GRM7: variants seen among roughly 807,000 people sequenced by gnomAD.
The protein encoded by GRM7 is metabotropic glutamate receptor 7.
GRM7 carries 35 observed loss-of-function variants against 84.5 expected under a neutral mutation model. The ratio of observed to expected loss-of-function variants is 0.41; its 90% CI spans 0.32 to 0.55. GRM7 has a LOEUF of 0.55. GRM7 is among the 20% of genes least tolerant of loss of function. GRM7 has a pLI of 0.19. For synonymous variants in GRM7, 487 were observed against 455.1 expected, an observed-to-expected ratio of 1.07 and a Z score of -0.89; for missense variants, 1,003 against 1,194.6, an observed-to-expected ratio of 0.84 and a Z score of 2.36.
intron 1 of GRM7, among the ~76,000 whole-genome samples, chr3:6,930,491 G>A (rs1479635163): frequency 6.6e-6 from 1 of 152,054 alleles, no homozygotes; most frequent in Non-Finnish European, 1.5e-5. Context: ...TAAGAACTAA[G>A]CCTTTATAAT....
intron 1 of GRM7, among the ~76,000 whole-genome samples, chr3:6,954,475 T>A (rs940016942): frequency 6.6e-6 from 1 of 152,184 alleles, no homozygotes; most frequent in African/African-American, 2.4e-5. Flanking sequence ...CCTTCTGACA[T>A]ATCCCTAAAA....
At chr3:7,455,755 G>GA (rs2124897853) in intron 6 of GRM7, among the ~76,000 whole-genome samples, 1 of 152,148 alleles carries the variant, frequency 6.6e-6, no homozygotes, top group African/African-American at 2.4e-5. Context: ...TCTTATGCTA[G>GA]AAAAAACACT....
chr3:7,192,462 G>A (rs532450890), intron 2 of GRM7, among the ~76,000 whole-genome samples: 4 of 152,044 alleles, frequency 2.6e-5, no homozygotes, highest in East Asian at 3.9e-4. Flanking sequence ...GGTTGACCTC[G>A]ACTCTGTCAC....
chr3:7,086,186 C>T (rs1473819102), intron 1 of GRM7, among the ~76,000 whole-genome samples: 1 of 152,014 alleles, frequency 6.6e-6, no homozygotes, highest in African/African-American at 2.4e-5. Flanking sequence ...TATATTGAGT[C>T]TATAGAATCA....
chr3:6,995,043 T>C (rs182598881), intron 1 of GRM7, among the ~76,000 whole-genome samples: 10 of 152,306 alleles, frequency 6.6e-5, no homozygotes, highest in South Asian at 6.2e-4. Context: ...TCAGAGTTGG[T>C]ACACCACTTT....
chr3:7,284,629 A>G lies in GRM7; in HGVS notation c.737-14055A>G, dbSNP rs566983824. Among the ~76,000 whole-genome samples, 31 of 152,218 alleles carry G rather than the reference A, an allele frequency of 2.0e-4. 1 individual carries two copies. In the South Asian group the frequency reaches 6.0e-3, roughly 30 times the overall value. ...CCATGACTATTGTTATATTTTGTTT[A>G]TCATGAGGGAGTTAAATATTTTTAT... On this transcript the variant is annotated intron_variant, in intron 2 of 9. Transcript: ENST00000357716.
intron 2 of GRM7, among the ~76,000 whole-genome samples, chr3:7,196,841 G>A (rs1162665953): frequency 1.3e-5 from 2 of 152,016 alleles, no homozygotes; most frequent in Non-Finnish European, 2.9e-5. Flanking sequence ...CATGAATTCA[G>A]GGACCTGAGT....
chr3:7,271,917 T>A (rs191143621), intron 2 of GRM7, among the ~76,000 whole-genome samples: 2 of 152,298 alleles, frequency 1.3e-5, no homozygotes, highest in East Asian at 3.9e-4. Flanking sequence ...TCCGTGTTTC[T>A]GTTTTAACGG....
intron 5 of GRM7, among the ~76,000 whole-genome samples, chr3:7,432,591 G>C (rs1696874682): frequency 6.6e-6 from 1 of 151,298 alleles, no homozygotes; most frequent in South Asian, 2.1e-4. Context: ...CAAAGTGCTA[G>C]GATTACAGAT....
chr3:7,279,963 C>T (rs1203782122), intron 2 of GRM7, among the ~76,000 whole-genome samples: 3 of 152,100 alleles, frequency 2.0e-5, no homozygotes, highest in Non-Finnish European at 4.4e-5. Flanking sequence ...AAAACTTTGC[C>T]ATGTGTGCTG....
At chr3:7,012,806 T>C (rs1167050341) in intron 1 of GRM7, among the ~76,000 whole-genome samples, 1 of 152,168 alleles carries the variant, frequency 6.6e-6, no homozygotes, top group Non-Finnish European at 1.5e-5. Context: ...AGTGTCACTA[T>C]CATAGCTTAT....
rs192991740 is a variant in GRM7 at position 7,138,291 on chromosome 3, C to T, written c.520-8161C>T. 5.5e-4 allele frequency among the ~76,000 whole-genome samples: 84 copies of T among 151,920 alleles called. 2 individuals are homozygous for T. In the East Asian group the frequency reaches 0.011, roughly 20 times the overall value. On this transcript the variant is annotated intron_variant, in intron 1 of 9. Coordinates refer to ENST00000357716, the MANE Select transcript of GRM7 (RefSeq NM_000844.4). ...ATCATAAACTGTAGGTGACAATATG[C>T]CCAATCAACAAGACGTTAGACCCTT...
intron 1 of GRM7, among the ~76,000 whole-genome samples, chr3:6,977,810 T>A (rs1053682110): frequency 2.6e-5 from 4 of 152,182 alleles, no homozygotes; most frequent in Non-Finnish European, 5.9e-5. Context: ...CTTGGAAAAG[T>A]GTTTTTTAAA....
intron 9 of GRM7, among the ~76,000 whole-genome samples, chr3:7,703,794 T>C (rs1005967904): frequency 6.6e-6 from 1 of 152,196 alleles, no homozygotes; most frequent in Non-Finnish European, 1.5e-5. Context: ...AGAGAGACTG[T>C]GTAAGTTACT....
intron 1 of GRM7, among the ~76,000 whole-genome samples, chr3:7,051,391 A>G (rs989266037): frequency 6.6e-6 from 1 of 151,788 alleles, no homozygotes; most frequent in African/African-American, 2.4e-5. Flanking sequence ...AGTTCCTAAC[A>G]AACTGTCAGA....
rs769128111 is a variant in GRM7 at position 6,861,646 on chromosome 3, G to T, written c.258G>T (p.Leu86=). ...GGCTGGAAGCGATGCTCTACGCCCT[G>T]GACCAGATCAACAGTGATCCCAACC... ...IHRLEAMLYA[L]DQINSDPNLL... The change falls in exon 1 of 10, where the codon CTG becomes CTT. Residue 86 remains leucine (L), a synonymous_variant. Transcript: ENST00000357716. The surrounding 1 kb of genome is among the most constrained non-coding windows in gnomAD (Gnocchi z 6.4). 17 of 1,613,692 alleles carry T rather than the reference G, an allele frequency of 1.1e-5. No homozygotes were observed. Among genetic ancestry groups the T allele is most frequent in the Middle Eastern group, 1.6e-4 (1 of 6,084 alleles).
At chr3:7,375,341 C>T (rs899642605) in intron 4 of GRM7, among the ~76,000 whole-genome samples, 1 of 151,622 alleles carries the variant, frequency 6.6e-6, no homozygotes. Context: ...GCCTCAGCCT[C>T]CTGAGTGGCT....
At chr3:7,337,510 C>T (rs79813830) in intron 4 of GRM7, among the ~76,000 whole-genome samples, 20 of 151,982 alleles carry the variant, frequency 1.3e-4, no homozygotes, top group Admixed American at 9.2e-4. Flanking sequence ...TCGCAAACTA[C>T]GCATCCAACA....
intron 8 of GRM7, among the ~76,000 whole-genome samples, chr3:7,599,417 T>C (rs1377241356): frequency 6.6e-6 from 1 of 152,144 alleles, no homozygotes; most frequent in Admixed American, 6.6e-5. Flanking sequence ...ATTGTGGAAA[T>C]ATTTTTAAGC....
Sources: gnomAD v4.1 joint callset for allele counts (sites outside exome capture counted in the v4.1 genomes callset) on GRCh38, gnomAD v4.1.1 for gene constraint, Gnocchi (gnomAD v3.1) non-coding constraint, MANE v1.5 for transcripts, NCBI Gene and HGNC (gene_info 2026-07-23, HGNC 2026-07-21) for gene names.